HIGD2B: variants seen among roughly 807,000 people sequenced by gnomAD.
The protein encoded by HIGD2B is HIG1 domain family member 2B.
For missense variants in HIGD2B, 106 were observed against 67.0 expected (o/e 1.58, Z -2.03); for synonymous variants, 45 against 28.1 (o/e 1.60, Z -1.90).
At chr15:72,685,754 G>A in intron 1 of HIGD2B, 64 bp downstream of exon 1, 1 of 221,350 alleles carries the variant, frequency 4.5e-6, no homozygotes, top group South Asian at 6.6e-5. Context: ...AAACAAGAGT[G>A]GGAAGCTGAT....
At chr15:72,684,576 C>T (rs1212021611) in intron 1 of HIGD2B, among the ~76,000 whole-genome samples, 2 of 152,134 alleles carry the variant, frequency 1.3e-5, no homozygotes, top group Non-Finnish European at 2.9e-5. Flanking sequence ...TAACTTCCAC[C>T]TCCTGGATTC....
chr15:72,679,965 G>T (rs961954231), intron 2 of HIGD2B, 50 bp downstream of exon 2: 3 of 248,634 alleles, frequency 1.2e-5, no homozygotes, highest in Non-Finnish European at 1.6e-5. Context: ...GCCAGAGCCC[G>T]CCAGAAGCAT....
intron 1 of HIGD2B, among the ~76,000 whole-genome samples, chr15:72,681,856 C>T (rs1232086840): frequency 6.6e-6 from 1 of 152,128 alleles, no homozygotes; most frequent in East Asian, 1.9e-4. Flanking sequence ...ATCCATCTGC[C>T]TACCTTGGCC....
At chr15:72,682,529 C>T in intron 1 of HIGD2B, 1 of 155,332 alleles carries the variant, frequency 6.4e-6, no homozygotes, top group East Asian at 1.9e-4. Flanking sequence ...ATGGTGAAAT[C>T]CTGTCTCTAC....
At chr15:72,678,619 C>G (rs1333332405) in intron 2 of HIGD2B, among the ~76,000 whole-genome samples, 1 of 152,086 alleles carries the variant, frequency 6.6e-6, no homozygotes, top group Non-Finnish European at 1.5e-5. Context: ...CTATAATTTT[C>G]AACAGACGGA....
Position 72,686,053 on chromosome 15 carries a change from A to T in HIGD2B, c.-428T>A. On this transcript the variant is annotated 5_prime_UTR_variant, in exon 1 of 3. Coordinates refer to ENST00000311755, the MANE Select transcript of HIGD2B (RefSeq NM_001350932.3). ...TGCGCATTCCCTCCCCGACTCTTTCAGAGGTAAGCCTTCTGTGGAGCAGAC... is the reference window on the plus strand; with the variant it reads ...TGCGCATTCCCTCCCCGACTCTTTCTGAGGTAAGCCTTCTGTGGAGCAGAC... 1.4e-6 allele frequency: 1 copy of T among 715,066 alleles called. No individual in the cohort carries two copies. The highest frequency in any genetic ancestry group is 2.4e-6 in the Non-Finnish European group (1 of 417,456). 44.3% of individuals were successfully genotyped at this position (715,066 alleles called of 1,614,324 possible).
chr15:72,678,894 G>A (rs765535090), intron 2 of HIGD2B, among the ~76,000 whole-genome samples: 11 of 152,008 alleles, frequency 7.2e-5, no homozygotes, highest in Non-Finnish European at 1.5e-4. Context: ...CTACTCAGGA[G>A]TCTGAGGTAG....
intron 2 of HIGD2B, among the ~76,000 whole-genome samples, chr15:72,679,019 A>G (rs2064720481): frequency 8.2e-6 from 1 of 122,438 alleles, no homozygotes. Context: ...AAGAAAAGAA[A>G]GAAAAAGAAA....
At chr15:72,681,193 ACTT>A (rs1009480402) in intron 1 of HIGD2B, among the ~76,000 whole-genome samples, 2 of 152,118 alleles carry the variant, frequency 1.3e-5, no homozygotes, top group South Asian at 2.1e-4. Flanking sequence ...AGAAGTGTAG[ACTT>A]CTTCTTCCCT....
intron 1 of HIGD2B, among the ~76,000 whole-genome samples, chr15:72,685,103 A>C (rs757048881): frequency 6.6e-5 from 10 of 152,222 alleles, no homozygotes; most frequent in Non-Finnish European, 1.3e-4. Context: ...AGAGAGTGTT[A>C]CTGAAATACT....
intron 1 of HIGD2B, among the ~76,000 whole-genome samples, chr15:72,684,929 G>A (rs1035898200): frequency 5.9e-5 from 9 of 152,060 alleles, no homozygotes; most frequent in Admixed American, 1.3e-4. Context: ...GATTACAGGC[G>A]GGCACCACCA....
chr15:72,681,067 C>T (rs8039792), intron 1 of HIGD2B, among the ~76,000 whole-genome samples: 146,305 of 152,038 alleles, frequency 0.96, 70,664 homozygotes, highest in East Asian at 1. Context: ...ACTTAGCTTC[C>T]GCTGTTGATA....
At chr15:72,683,142 G>A (rs1483920198) in intron 1 of HIGD2B, among the ~76,000 whole-genome samples, 2 of 152,200 alleles carry the variant, frequency 1.3e-5, no homozygotes, top group African/African-American at 2.4e-5. Context: ...AGGGAACTTG[G>A]ACATTTAGTC....
At chr15:72,685,456 G>C (rs2064808634) in intron 1 of HIGD2B, among the ~76,000 whole-genome samples, 1 of 152,158 alleles carries the variant, frequency 6.6e-6, no homozygotes, top group South Asian at 2.1e-4. Flanking sequence ...ACTCATGTTT[G>C]ATTCCAAAGC....
intron 1 of HIGD2B, among the ~76,000 whole-genome samples, chr15:72,684,715 C>T (rs1251349851): frequency 6.6e-6 from 1 of 152,056 alleles, no homozygotes; most frequent in African/African-American, 2.4e-5. Flanking sequence ...TCTTGAACTC[C>T]TGACCTCAGG....
Position 72,680,446 on chromosome 15 carries a change from CT to C in HIGD2B, c.-192-254del, listed in dbSNP as rs2064737178. On this transcript the variant is annotated intron_variant, in intron 1 of 2. Transcript: ENST00000311755. ...ATTTTTAAAAAATTATCTTTCATAA[CT>C]TTTCAATCTAATATCTGTGTATTAT... 2.6e-5 allele frequency among the ~76,000 whole-genome samples: 4 copies of C among 152,120 alleles called. No homozygotes were observed. The South Asian group carries it at 8.3e-4, about 31-fold the overall frequency.
chr15:72,679,900 T>C, intron 2 of HIGD2B, 115 bp downstream of exon 2: 1 of 170,342 alleles, frequency 5.9e-6, no homozygotes, highest in South Asian at 1.6e-4. Context: ...AGAGTGATGT[T>C]CCCTAACACA....
In HIGD2B at chr15:72,685,919, T is replaced by A. The variant is rs2064820034; in HGVS notation, c.-294A>T. On this transcript the variant is annotated 5_prime_UTR_variant, in exon 1 of 3. Transcript: ENST00000311755. ...GGGTAAGGTGGCGGGAGAACTAGGC[T>A]GCCATCCCAGGTGGCTGGCCTACCA... The A allele has an allele frequency of 1.9e-6, 1 of 523,390 alleles. No individual in the cohort carries two copies. Among genetic ancestry groups the A allele is most frequent in the East Asian group, 3.4e-5 (1 of 29,266 alleles). The allele number at this position is 523,390 out of a possible 1,614,324, so 32.4% of individuals were successfully genotyped here. A position where few individuals can be genotyped will look rare whatever the true frequency, so the allele number is the denominator to read the frequency against.
In HIGD2B at chr15:72,685,943, C is replaced by G; in HGVS notation, c.-318G>C. ...CTGCCATCCCAGGTGGCTGGCCTAC[C>G]AGCCAGCGCGGCCGGAGGTACAGAC... On this transcript the variant is annotated 5_prime_UTR_variant, in exon 1 of 3. Coordinates refer to ENST00000311755, the MANE Select transcript of HIGD2B (RefSeq NM_001350932.3). The G allele has an allele frequency of 5.5e-6, 3 of 547,472 alleles. No homozygotes were observed. The highest frequency in any genetic ancestry group is 9.9e-6 in the Non-Finnish European group (3 of 303,594). 33.9% of individuals were successfully genotyped at this position (547,472 alleles called of 1,614,324 possible).
Sources: gnomAD v4.1 joint callset for allele counts (sites outside exome capture counted in the v4.1 genomes callset) on GRCh38, gnomAD v4.1.1 for gene constraint, MANE v1.5 for transcripts, NCBI Gene and HGNC (gene_info 2026-07-23, HGNC 2026-07-21) for gene names.